DAP: variants seen among roughly 807,000 people sequenced by gnomAD.
DAP encodes death-associated protein 1.
DAP carries 8 observed loss-of-function variants against 13.8 expected under a neutral mutation model. The ratio of observed to expected loss-of-function variants is 0.58; its 90% CI spans 0.34 to 1.05. The LOEUF is 1.05. DAP is among the 50% of genes least tolerant of loss of function. The pLI is 0.03. For synonymous variants in DAP, 47 were observed against 47.5 expected (o/e 0.99, Z 0.04); for missense variants, 106 against 133.2 (o/e 0.80, Z 1.01).
chr5:10,691,874 G>A (rs1553999046), intron 2 of DAP, among the ~76,000 whole-genome samples: 1 of 152,156 alleles, frequency 6.6e-6, no homozygotes, highest in Non-Finnish European at 1.5e-5. Context: ...GGTCTCTATT[G>A]TCCATCTGGC....
rs1240526281 is a variant in DAP at position 10,748,284 on chromosome 5, CAG to C, written c.56-15_56-14del. 2.5e-6 allele frequency: 4 copies of C among 1,610,346 alleles called. No homozygotes were observed. The highest frequency in any genetic ancestry group is 2.7e-5 in the African/African-American group (2 of 74,814). On this transcript the variant is annotated splice_polypyrimidine_tract_variant and intron_variant, in intron 1 of 3. Coordinates refer to ENST00000230895, the MANE Select transcript of DAP (RefSeq NM_004394.3). Reference sequence around the variant, plus strand: ...CCACCAGCTTTCACTGAAATGAAAACAGAGAGTGTGGGATTAATGTGGAAATG... The same window carrying C: ...CCACCAGCTTTCACTGAAATGAAAACAGAGTGTGGGATTAATGTGGAAATG...
chr5:10,692,419 G>A (rs1738329368), intron 2 of DAP, among the ~76,000 whole-genome samples: 1 of 152,152 alleles, frequency 6.6e-6, no homozygotes, highest in Middle Eastern at 3.2e-3. Context: ...TTTCGCAGTT[G>A]AGAGCTTAAG....
At chr5:10,733,530 A>G (rs1739527128) in intron 2 of DAP, among the ~76,000 whole-genome samples, 1 of 152,084 alleles carries the variant, frequency 6.6e-6, no homozygotes, top group Non-Finnish European at 1.5e-5. Context: ...GTTGTGTCCA[A>G]CTCTAAATCT....
intron 2 of DAP, among the ~76,000 whole-genome samples, chr5:10,704,165 T>C (rs1738645776): frequency 1.3e-5 from 2 of 152,240 alleles, no homozygotes; most frequent in Admixed American, 1.3e-4. Context: ...TCAGGATTTT[T>C]CAAGTTTTAT....
At chr5:10,681,314 G>A (rs1332995114) in intron 3 of DAP, 145 bp from the exon 4 acceptor site, 27 of 649,030 alleles carry the variant, frequency 4.2e-5, no homozygotes, top group Middle Eastern at 4.2e-4. Flanking sequence ...ATCCACCAGC[G>A]TCCCTGTAGG....
chr5:10,702,819 G>A (rs1027237219), intron 2 of DAP, among the ~76,000 whole-genome samples: 1 of 152,134 alleles, frequency 6.6e-6, no homozygotes, highest in Non-Finnish European at 1.5e-5. Context: ...GAAAGACTAA[G>A]CATCAAAGGT....
At position 10,746,784 on chromosome 5, in the gene DAP, G is replaced by A. The variant is rs552369510; in HGVS notation, c.152+1391C>T. On this transcript the variant is annotated intron_variant, in intron 2 of 3. Coordinates refer to ENST00000230895, the MANE Select transcript of DAP (RefSeq NM_004394.3). ...TGTTCTTCCCTCACGTGGCCGCTCC[G>A]TAACTCATACTGTATCAGGTTTTAT... Among the ~76,000 whole-genome samples the A allele has an allele frequency of 3.3e-5, 5 of 152,282 alleles. No individual in the cohort carries two copies. The South Asian group carries it at 6.2e-4, about 19-fold the overall frequency.
At chr5:10,704,079 T>C (rs540522223) in intron 2 of DAP, among the ~76,000 whole-genome samples, 1 of 152,344 alleles carries the variant, frequency 6.6e-6, no homozygotes, top group African/African-American at 2.4e-5. Context: ...CACAGGTGCC[T>C]TTGTACCCCA....
intron 2 of DAP, among the ~76,000 whole-genome samples, chr5:10,713,653 C>T (rs934055212): frequency 6.6e-6 from 1 of 152,236 alleles, no homozygotes; most frequent in Non-Finnish European, 1.5e-5. Flanking sequence ...CTGCCCCAAG[C>T]CCTGTGCACT....
chr5:10,716,800 G>C (rs1220461809), intron 2 of DAP, among the ~76,000 whole-genome samples: 8 of 152,130 alleles, frequency 5.3e-5, no homozygotes, highest in Admixed American at 5.2e-4. Context: ...CTACCTATTA[G>C]TTCTGTCCCT....
Position 10,722,801 on chromosome 5 carries a change from C to T in DAP, c.152+25374G>A, listed in dbSNP as rs539959493. ...CACCAATAGCAACGCCCTTCTCACACCCACCACCCAACGACTGATACTCAT... is the reference window on the plus strand; with the variant it reads ...CACCAATAGCAACGCCCTTCTCACATCCACCACCCAACGACTGATACTCAT... On this transcript the variant is annotated intron_variant, in intron 2 of 3. Transcript: ENST00000230895. 7.2e-5 allele frequency among the ~76,000 whole-genome samples: 11 copies of T among 152,214 alleles called. No homozygotes were observed. In the South Asian group the frequency reaches 2.1e-3, roughly 29 times the overall value.
intron 2 of DAP, among the ~76,000 whole-genome samples, chr5:10,716,403 T>A (rs1224176148): frequency 6.6e-6 from 1 of 152,138 alleles, no homozygotes. Context: ...TAGTACTGAG[T>A]GTCAACTTGA....
chr5:10,698,097 G>A (rs1187619717), intron 2 of DAP, among the ~76,000 whole-genome samples: 1 of 152,008 alleles, frequency 6.6e-6, no homozygotes, highest in African/African-American at 2.4e-5. Flanking sequence ...CACACAGCAA[G>A]GGAGGGAGTT....
chr5:10,713,728 G>A (rs1056690640), intron 2 of DAP, among the ~76,000 whole-genome samples: 17 of 152,200 alleles, frequency 1.1e-4, no homozygotes, highest in African/African-American at 4.1e-4. Context: ...CAGCAGGCAC[G>A]CCTGGTGTGC....
At chr5:10,749,760 T>TG (rs1372815158) in intron 1 of DAP, among the ~76,000 whole-genome samples, 3 of 150,800 alleles carry the variant, frequency 2.0e-5, no homozygotes, top group Non-Finnish European at 4.4e-5. Flanking sequence ...TTTTTTTTTT[T>TG]TTTTGGCTAT....
At position 10,679,919 on chromosome 5, in the gene DAP, C is replaced by T. The variant is rs555758856; in HGVS notation, c.*1137G>A. The T allele has an allele frequency of 6.6e-5, 10 of 152,534 alleles. No individual in the cohort carries two copies. The highest frequency in any genetic ancestry group is 3.3e-4 in the Admixed American group (5 of 15,306). 9.4% of individuals were successfully genotyped at this position (152,534 alleles called of 1,614,324 possible). A position where few individuals can be genotyped will look rare whatever the true frequency, so the allele number is the denominator to read the frequency against. ...CTCCACAAGCACTGTTCTGGAGTTT[C>T]GTCTGACTAGGTGAACCCTCTGGCT... On this transcript the variant is annotated 3_prime_UTR_variant, in exon 4 of 4. Coordinates refer to ENST00000230895, the MANE Select transcript of DAP (RefSeq NM_004394.3).
intron 1 of DAP, among the ~76,000 whole-genome samples, chr5:10,759,430 A>G (rs1342648497): frequency 6.6e-6 from 1 of 152,132 alleles, no homozygotes; most frequent in Non-Finnish European, 1.5e-5. Context: ...CCTTAAAAGA[A>G]ATCCCATCAA....
intron 2 of DAP, among the ~76,000 whole-genome samples, chr5:10,695,634 A>G (rs1738421648): frequency 6.6e-6 from 1 of 152,220 alleles, no homozygotes; most frequent in African/African-American, 2.4e-5. Flanking sequence ...CAAATCCTTC[A>G]GTGAAGAGGC....
At chr5:10,745,343 G>A (rs1451936320) in intron 2 of DAP, among the ~76,000 whole-genome samples, 1 of 152,216 alleles carries the variant, frequency 6.6e-6, no homozygotes, top group Non-Finnish European at 1.5e-5. Context: ...AAGAGGACAA[G>A]TGCTAACACA....
Sources: allele counts gnomAD v4.1 joint callset (sites outside exome capture counted in the v4.1 genomes callset), GRCh38; gene constraint gnomAD v4.1.1; transcripts MANE v1.5; gene names NCBI Gene and HGNC (gene_info 2026-07-23, HGNC 2026-07-21).